The following VOPP1 variants were observed in gnomAD, a reference collection of about 807,000 sequenced individuals.
VOPP1 encodes the protein WW domain binding protein VOPP1.
VOPP1 carries 8 observed loss-of-function variants against 23.5 expected under a neutral mutation model. The ratio of observed to expected loss-of-function variants is 0.34; its 90% CI spans 0.20 to 0.61. VOPP1 has a LOEUF of 0.61. Among genes scored for constraint, VOPP1 ranks in the 20% least tolerant of loss-of-function variants. VOPP1 has a pLI of 0.78. For missense variants in VOPP1, 174 were observed against 238.1 expected (o/e 0.73, Z 1.77); for synonymous variants, 83 against 97.3 (o/e 0.85, Z 0.86).
intron 2 of VOPP1, among the ~76,000 whole-genome samples, chr7:55,499,041 T>C (rs1293927803): frequency 1.3e-5 from 2 of 152,152 alleles, no homozygotes; most frequent in Admixed American, 6.5e-5. Flanking sequence ...AGCATTCATG[T>C]ACAGTCTTCC....
intron 1 of VOPP1, among the ~76,000 whole-genome samples, chr7:55,541,234 T>A (rs1037012786): frequency 1.3e-5 from 2 of 152,230 alleles, no homozygotes; most frequent in African/African-American, 4.8e-5. Flanking sequence ...TTGTACACTT[T>A]AAGTGGATGA....
At chr7:55,514,421 T>C (rs1284541132) in intron 2 of VOPP1, among the ~76,000 whole-genome samples, 1 of 152,204 alleles carries the variant, frequency 6.6e-6, no homozygotes, top group Non-Finnish European at 1.5e-5. Context: ...ATAGCAGGTC[T>C]AGAGACGATC....
chr7:55,461,873 G>A (rs2129003770), intron 4 of VOPP1, among the ~76,000 whole-genome samples: 1 of 152,254 alleles, frequency 6.6e-6, no homozygotes, highest in South Asian at 2.1e-4. Context: ...TATCATTGTG[G>A]TTTGGTGGTT....
At chr7:55,552,348 G>A (rs988236809) in intron 1 of VOPP1, among the ~76,000 whole-genome samples, 2 of 152,166 alleles carry the variant, frequency 1.3e-5, no homozygotes, top group African/African-American at 4.8e-5. Flanking sequence ...ATCGCAAAAT[G>A]CTGTTCTCTT....
intron 1 of VOPP1, among the ~76,000 whole-genome samples, chr7:55,570,911 A>T (rs529546875): frequency 4.6e-5 from 7 of 152,242 alleles, no homozygotes; most frequent in Admixed American, 3.9e-4. Flanking sequence ...CACAGCACTC[A>T]AGCCTGGGCC....
At chr7:55,462,649 G>A (rs1381710696) in intron 4 of VOPP1, among the ~76,000 whole-genome samples, 1 of 143,326 alleles carries the variant, frequency 7.0e-6, no homozygotes. Context: ...TGAAACTCTT[G>A]ATTATATTTT....
At chr7:55,468,615 G>T (rs374001724), downstream of VOPP1, among the ~76,000 whole-genome samples, 1 of 152,362 alleles carries the variant, frequency 6.6e-6, no homozygotes, top group Admixed American at 6.5e-5. Flanking sequence ...GGATGGGCTA[G>T]AGGATGGGCC....
chr7:55,518,251 G>A (rs1795600121), intron 2 of VOPP1, among the ~76,000 whole-genome samples: 1 of 152,214 alleles, frequency 6.6e-6, no homozygotes, highest in Admixed American at 6.5e-5. Context: ...CTGGTGCTAG[G>A]CAGAGGTGGG....
chr7:55,444,074 TTATC>T (rs1791035918), intron 4 of VOPP1, among the ~76,000 whole-genome samples: 1 of 114,682 alleles, frequency 8.7e-6, no homozygotes, highest in South Asian at 2.8e-4. Flanking sequence ...GACTGGCCCT[TTATC>T]TATTGCTGTG....
At chr7:55,527,443 A>G (rs1796254569) in intron 1 of VOPP1, among the ~76,000 whole-genome samples, 1 of 152,202 alleles carries the variant, frequency 6.6e-6, no homozygotes, top group Non-Finnish European at 1.5e-5. Flanking sequence ...CAGCCAGCAA[A>G]TAACGATCAG....
At chr7:55,455,033 C>A (rs1791332851) in intron 4 of VOPP1, among the ~76,000 whole-genome samples, 1 of 152,114 alleles carries the variant, frequency 6.6e-6, no homozygotes, top group Admixed American at 6.6e-5. Context: ...TGTTTGCAGA[C>A]AGCATGATTG....
At chr7:55,474,233 G>A (rs1258351246) in intron 4 of VOPP1, among the ~76,000 whole-genome samples, 1 of 152,236 alleles carries the variant, frequency 6.6e-6, no homozygotes, top group Non-Finnish European at 1.5e-5. Context: ...CACCTGCGCT[G>A]CTCTGATGCA....
intron 4 of VOPP1, among the ~76,000 whole-genome samples, chr7:55,476,820 AT>A (rs1423831628): frequency 6.6e-6 from 1 of 151,976 alleles, no homozygotes; most frequent in Admixed American, 6.5e-5. Context: ...TTGGCCCTAC[AT>A]TCCTCCCCAC....
At chr7:55,540,353 G>A (rs1797067349) in intron 1 of VOPP1, among the ~76,000 whole-genome samples, 1 of 151,494 alleles carries the variant, frequency 6.6e-6, no homozygotes, top group African/African-American at 2.4e-5. Flanking sequence ...AGCCGAGATC[G>A]CGCTACTGCA....
chr7:55,568,343 G>A (rs535516485), intron 1 of VOPP1, among the ~76,000 whole-genome samples: 13 of 152,238 alleles, frequency 8.5e-5, no homozygotes, highest in South Asian at 8.3e-4. Flanking sequence ...CCAAAGTGCC[G>A]GGATTACAGG....
intron 4 of VOPP1, among the ~76,000 whole-genome samples, chr7:55,451,450 C>T (rs1483123188): frequency 6.6e-6 from 1 of 152,152 alleles, no homozygotes; most frequent in Non-Finnish European, 1.5e-5. Context: ...ATGAAGTGCA[C>T]AACAGCATTA....
chr7:55,548,816 C>T (rs755210694), intron 1 of VOPP1, among the ~76,000 whole-genome samples: 5 of 152,170 alleles, frequency 3.3e-5, no homozygotes, highest in East Asian at 1.9e-4. Context: ...TATAAGTAGA[C>T]GAAAGATGAA....
chr7:55,473,187 G>T (rs1791970170), intron 4 of VOPP1, 142 bp from the exon 5 acceptor site: 8 of 1,313,464 alleles, frequency 6.1e-6, no homozygotes, highest in Non-Finnish European at 7.0e-6. Flanking sequence ...CCCGGTGAGG[G>T]GGCACCTGGG....
intron 2 of VOPP1, among the ~76,000 whole-genome samples, chr7:55,503,763 G>A (rs1264159586): frequency 6.6e-6 from 1 of 152,210 alleles, no homozygotes; most frequent in African/African-American, 2.4e-5. Context: ...GATGGAACAA[G>A]ACAGTGCCTA....
Sources: gnomAD v4.1 joint callset for allele counts (sites outside exome capture counted in the v4.1 genomes callset) on GRCh38, gnomAD v4.1.1 for gene constraint, MANE v1.5 for transcripts, NCBI Gene and HGNC (gene_info 2026-07-23, HGNC 2026-07-21) for gene names.